EEPD1: variants seen among roughly 807,000 people sequenced by gnomAD.
The protein encoded by EEPD1 is endonuclease/exonuclease/phosphatase family domain containing 1.
A neutral mutation model predicts 46.3 loss-of-function variants in EEPD1; 17 were observed. The ratio of observed to expected loss-of-function variants is 0.37; its 90% CI spans 0.25 to 0.55. The LOEUF (loss-of-function observed/expected upper bound fraction) is 0.55, where lower values mean the gene tolerates loss of function less well. Among genes scored for constraint, EEPD1 ranks in the 20% least tolerant of loss-of-function variants. The pLI, the probability that EEPD1 is intolerant of heterozygous loss-of-function variation, is 0.83. For synonymous variants in EEPD1, 313 were observed against 315.6 expected, an observed-to-expected ratio of 0.99 and a Z score of 0.09; for missense variants, 673 against 745.6, an observed-to-expected ratio of 0.90 and a Z score of 1.13.
intron 2 of EEPD1, among the ~76,000 whole-genome samples, chr7:36,208,363 C>A (rs993143885): frequency 6.6e-6 from 1 of 152,246 alleles, no homozygotes; most frequent in Non-Finnish European, 1.5e-5. Flanking sequence ...GAGTAAGCAG[C>A]ATTTGCACAG....
chr7:36,218,506 A>G (rs892489042), intron 2 of EEPD1, among the ~76,000 whole-genome samples: 2 of 152,130 alleles, frequency 1.3e-5, no homozygotes, highest in Admixed American at 6.5e-5. Context: ...TCTTGTGCTG[A>G]TGTGAGATAA....
At chr7:36,237,472 A>G (rs533290476) in intron 2 of EEPD1, among the ~76,000 whole-genome samples, 1 of 152,320 alleles carries the variant, frequency 6.6e-6, no homozygotes, top group South Asian at 2.1e-4. Context: ...GTGAAATTCC[A>G]TACCTTTTAA....
At chr7:36,265,799 A>G (rs1257331892) in intron 3 of EEPD1, among the ~76,000 whole-genome samples, 1 of 152,236 alleles carries the variant, frequency 6.6e-6, no homozygotes, top group Non-Finnish European at 1.5e-5. Context: ...AGAAAATTCT[A>G]GAAAGGGAGA....
Position 36,154,360 on chromosome 7 carries a change from C to T in EEPD1, c.36C>T (p.Pro12=). The stretch of plus-strand genomic sequence containing the variant: ...CCCTGGGCTGCCACCGCTCCATCCC[C>T]AGGGACCCCTCGGACCTGTCCCATA... ...GSTLGCHRSI[P]RDPSDLSHSR... is the part of the protein sequence containing the mutation. The change falls in exon 2 of 8, where the codon CCC becomes CCT. Residue 12 remains proline, a synonymous_variant. Coordinates refer to ENST00000242108, the MANE Select transcript of EEPD1 (RefSeq NM_030636.3). This position sits in a 1 kb window ranked among gnomAD's most constrained non-coding sequence, Gnocchi z 4.2. 1.2e-6 allele frequency: 2 copies of T among 1,613,016 alleles called. No individual in the cohort carries two copies. Among genetic ancestry groups the T allele is most frequent in the South Asian group, 2.2e-5 (2 of 91,090 alleles).
chr7:36,154,319 C>G lies in EEPD1; in HGVS notation c.-6C>G, dbSNP rs1762485394. On this transcript the variant is annotated 5_prime_UTR_variant, in exon 2 of 8. Coordinates refer to ENST00000242108, the MANE Select transcript of EEPD1 (RefSeq NM_030636.3). The surrounding 1 kb of genome is among the most constrained non-coding windows in gnomAD (Gnocchi z 4.2). The stretch of plus-strand genomic sequence containing the variant: ...GGCCTTCCCGGGAGCCTGATCCTGG[C>G]GGACCATGGGGAGCACCCTGGGCTG... 3 of 1,603,610 alleles carry G rather than the reference C, an allele frequency of 1.9e-6. No individual in the cohort carries two copies. The highest frequency in any genetic ancestry group is 2.2e-5 in the South Asian group (2 of 90,788).
At chr7:36,274,465 G>A (rs187059353) in intron 3 of EEPD1, among the ~76,000 whole-genome samples, 173 of 152,246 alleles carry the variant, frequency 1.1e-3, no homozygotes, top group African/African-American at 4.1e-3. Flanking sequence ...GTTATATTTA[G>A]CAGACCAAAC....
At chr7:36,242,067 G>A (rs74959083) in intron 3 of EEPD1, among the ~76,000 whole-genome samples, 25 of 152,276 alleles carry the variant, frequency 1.6e-4, no homozygotes, top group Non-Finnish European at 2.5e-4. Flanking sequence ...AGGCTGCGGC[G>A]GAGCAGACCC....
At chr7:36,253,329 T>C (rs1206774155) in intron 3 of EEPD1, among the ~76,000 whole-genome samples, 1 of 152,240 alleles carries the variant, frequency 6.6e-6, no homozygotes, top group Non-Finnish European at 1.5e-5. Context: ...TCAATCCTTG[T>C]AAATGAATTG....
At chr7:36,283,267 G>A (rs1172927238) in intron 4 of EEPD1, among the ~76,000 whole-genome samples, 1 of 152,206 alleles carries the variant, frequency 6.6e-6, no homozygotes, top group African/African-American at 2.4e-5. Flanking sequence ...TCCCAGGAGG[G>A]GCAAGAAACC....
At chr7:36,268,763 C>T (rs992146673) in intron 3 of EEPD1, among the ~76,000 whole-genome samples, 1 of 152,180 alleles carries the variant, frequency 6.6e-6, no homozygotes, top group East Asian at 1.9e-4. Context: ...CAGAGACTTG[C>T]TGGGTGCCAG....
intron 2 of EEPD1, among the ~76,000 whole-genome samples, chr7:36,186,263 G>A (rs570754475): frequency 6.6e-6 from 1 of 152,076 alleles, no homozygotes; most frequent in Non-Finnish European, 1.5e-5. Flanking sequence ...TGCCTTTCTC[G>A]GTTCTCTTCC....
chr7:36,161,587 T>G (rs1443364680), intron 2 of EEPD1, among the ~76,000 whole-genome samples: 1 of 152,062 alleles, frequency 6.6e-6, no homozygotes, highest in East Asian at 1.9e-4. Context: ...CTGAGGCTTA[T>G]GATCCAAAAT....
At chr7:36,238,309 C>T (rs1346564088) in intron 2 of EEPD1, among the ~76,000 whole-genome samples, 3 of 152,178 alleles carry the variant, frequency 2.0e-5, no homozygotes, top group African/African-American at 4.8e-5. Flanking sequence ...TTGTGCCGAC[C>T]TCCTATCTCA....
intron 3 of EEPD1, among the ~76,000 whole-genome samples, chr7:36,248,533 T>TC (rs1386967830): frequency 3.1e-5 from 4 of 129,688 alleles, no homozygotes; most frequent in Non-Finnish European, 4.9e-5. Context: ...TTTTTTTTTT[T>TC]CCAAAAAAAC....
chr7:36,295,892 G>A (rs760628912), intron 6 of EEPD1, among the ~76,000 whole-genome samples: 3 of 151,940 alleles, frequency 2.0e-5, no homozygotes, highest in South Asian at 2.1e-4. Flanking sequence ...TTAGCAAGGC[G>A]TGGTGGTGGG....
At chr7:36,235,517 G>A (rs924503058) in intron 2 of EEPD1, among the ~76,000 whole-genome samples, 6 of 152,218 alleles carry the variant, frequency 3.9e-5, no homozygotes, top group African/African-American at 7.2e-5. Context: ...GGCTGGGCCC[G>A]GCTCCCCTCT....
chr7:36,162,998 G>A (rs922907249), intron 2 of EEPD1, among the ~76,000 whole-genome samples: 8 of 152,116 alleles, frequency 5.3e-5, no homozygotes, highest in African/African-American at 1.9e-4. Flanking sequence ...AAAAGTGGGA[G>A]GTCTCAGGTG....
intron 3 of EEPD1, 141 bp downstream of exon 3, chr7:36,239,177 C>A: frequency 2.3e-6 from 2 of 864,298 alleles, no homozygotes; most frequent in Non-Finnish European, 3.6e-6. Context: ...GCGAATCATG[C>A]AGAATTTTAA....
chr7:36,281,710 C>G (rs944400093), intron 4 of EEPD1, among the ~76,000 whole-genome samples: 3 of 152,202 alleles, frequency 2.0e-5, no homozygotes, highest in Admixed American at 1.3e-4. Context: ...CAGTATCACC[C>G]ATATGAGCAG....
Sources: gnomAD v4.1 joint callset for allele counts (sites outside exome capture counted in the v4.1 genomes callset) on GRCh38, gnomAD v4.1.1 for gene constraint, Gnocchi (gnomAD v3.1) non-coding constraint, MANE v1.5 for transcripts, NCBI Gene and HGNC (gene_info 2026-07-23, HGNC 2026-07-21) for gene names.